KPNA3: variants seen among roughly 807,000 people sequenced by gnomAD.
KPNA3 encodes the protein importin subunit alpha-4.
A neutral mutation model predicts 73.8 loss-of-function variants in KPNA3; 13 were observed. The ratio of observed to expected loss-of-function variants is 0.18; its 90% CI spans 0.11 to 0.28. The LOEUF (loss-of-function observed/expected upper bound fraction) is 0.28. Among genes scored for constraint, KPNA3 ranks in the 10% least tolerant of loss-of-function variants. The pLI, the probability that KPNA3 is intolerant of heterozygous loss-of-function variation, is 1.00. For synonymous variants in KPNA3, 186 were observed against 206.9 expected, an observed-to-expected ratio of 0.90 and a Z score of 0.87; for missense variants, 360 against 618.1, an observed-to-expected ratio of 0.58 and a Z score of 4.43.
At position 49,706,375 on chromosome 13, in the gene KPNA3, A is replaced by G; in HGVS notation, c.1033-3T>C. On this transcript the variant is annotated splice_polypyrimidine_tract_variant and splice_region_variant and intron_variant, in intron 12 of 16. Coordinates refer to ENST00000261667, the MANE Select transcript of KPNA3 (RefSeq NM_002267.4). ...TTGGAAAGGAACCACACTGCTTCCT[A>G]TAATTGAACAAAATATAGGGCACCT... The G allele has an allele frequency of 6.2e-7, 1 of 1,607,222 alleles. No homozygotes were observed. Among genetic ancestry groups the G allele is most frequent in the Non-Finnish European group, 8.5e-7 (1 of 1,174,234 alleles).
At position 49,719,435 on chromosome 13, in the gene KPNA3, C is replaced by T. The variant is rs140310233; in HGVS notation, c.771+340G>A. Among the ~76,000 whole-genome samples, 637 of 152,158 alleles carry T rather than the reference C, an allele frequency of 4.2e-3. 1 individual carries two copies. Among genetic ancestry groups the T allele is most frequent in the African/African-American group, 0.014 (568 of 41,524 alleles). ...ATAAAATGGGGGGAATAATATCTAG[C>T]CTATCTGTTGTAAGAACCAGTGAGA... On this transcript the variant is annotated intron_variant, in intron 10 of 16. Transcript: ENST00000261667.
chr13:49,728,412 A>G (rs541221396), intron 6 of KPNA3, among the ~76,000 whole-genome samples: 2 of 152,338 alleles, frequency 1.3e-5, no homozygotes, highest in South Asian at 4.1e-4. Flanking sequence ...AGCTTACAAA[A>G]TTATGACTGA....
At chr13:49,788,632 C>T (rs1027635047) in intron 1 of KPNA3, among the ~76,000 whole-genome samples, 5 of 150,968 alleles carry the variant, frequency 3.3e-5, no homozygotes, top group Admixed American at 3.3e-4. Context: ...GATGGAAGGA[C>T]GGCTTGAGCC....
chr13:49,783,311 A>C (rs1053797576), intron 1 of KPNA3, among the ~76,000 whole-genome samples: 1 of 152,192 alleles, frequency 6.6e-6, no homozygotes. Context: ...TTAACTGCTG[A>C]TGTTGGCTAT....
At chr13:49,738,332 A>G (rs1177853961) in intron 2 of KPNA3, among the ~76,000 whole-genome samples, 1 of 152,156 alleles carries the variant, frequency 6.6e-6, no homozygotes, top group African/African-American at 2.4e-5. Flanking sequence ...TGTTTTAGCT[A>G]TTCTAGAGAC....
At chr13:49,781,284 C>G (rs997568280) in intron 1 of KPNA3, among the ~76,000 whole-genome samples, 2 of 152,146 alleles carry the variant, frequency 1.3e-5, no homozygotes, top group African/African-American at 4.8e-5. Context: ...ATTCCTTGAG[C>G]AGGAACCCTG....
rs557389485 is a variant in KPNA3 at position 49,728,265 on chromosome 13, T to C, written c.384-2764A>G. Among the ~76,000 whole-genome samples, 4 of 149,706 alleles carry C rather than the reference T, an allele frequency of 2.7e-5. No homozygotes were observed. The East Asian group carries it at 7.8e-4, about 29-fold the overall frequency. ...AAAAAAAAAAAAGGACAAGTCGATGTTGAAGATGAAATCCACAGCGGCAAA... is the reference window on the plus strand; with the variant it reads ...AAAAAAAAAAAAGGACAAGTCGATGCTGAAGATGAAATCCACAGCGGCAAA... On this transcript the variant is annotated intron_variant, in intron 6 of 16. Transcript: ENST00000261667.
intron 2 of KPNA3, among the ~76,000 whole-genome samples, chr13:49,737,120 G>A (rs1037864884): frequency 6.6e-6 from 1 of 152,022 alleles, no homozygotes; most frequent in Admixed American, 6.6e-5. Flanking sequence ...CATCTGTGTT[G>A]TTTCTAAGTT....
intron 1 of KPNA3, among the ~76,000 whole-genome samples, chr13:49,754,969 A>C (rs1954698103): frequency 6.6e-6 from 1 of 152,188 alleles, no homozygotes; most frequent in Non-Finnish European, 1.5e-5. Flanking sequence ...CCAATTTTAT[A>C]TAATCTCTAC....
chr13:49,792,568 T>TTTTACTGCCCCTCA lies in KPNA3; in HGVS notation c.-63_-62insTGAGGGGCAGTAAA. The TTTTACTGCCCCTCA allele has an allele frequency of 2.2e-6, 1 of 456,476 alleles. No homozygotes were observed. Among genetic ancestry groups the TTTTACTGCCCCTCA allele is most frequent in the Non-Finnish European group, 3.6e-6 (1 of 281,438 alleles). 28.3% of individuals were successfully genotyped at this position (456,476 alleles called of 1,614,324 possible). On this transcript the variant is annotated 5_prime_UTR_variant, in exon 1 of 17. Coordinates refer to ENST00000261667, the MANE Select transcript of KPNA3 (RefSeq NM_002267.4). ...CTGCGGCGGCGGCGGCGGCGAATCT[T>TTTTACTGCCCCTCA]GGAGCGGGAGGGGGAGGAGGGGGAG...
intron 1 of KPNA3, among the ~76,000 whole-genome samples, chr13:49,783,042 A>G (rs1261102026): frequency 1.3e-5 from 2 of 152,170 alleles, no homozygotes; most frequent in African/African-American, 4.8e-5. Context: ...TAAGAAGAGC[A>G]AAAACTCCAC....
intron 12 of KPNA3, among the ~76,000 whole-genome samples, chr13:49,707,198 A>G (rs1342988564): frequency 2.0e-5 from 3 of 152,244 alleles, no homozygotes; most frequent in Non-Finnish European, 4.4e-5. Context: ...ATGGGTCTAT[A>G]TAACATAAAT....
rs183192435 is a variant in KPNA3, at chr13:49,747,557, C to T, written c.70-564G>A. On this transcript the variant is annotated intron_variant, in intron 1 of 16. Transcript: ENST00000261667. ...AAAATTAGCTGGGTGCAGTAGCACGCCCCTGTACTCCCAGCTACTCCTGGA... is the reference window on the plus strand; with the variant it reads ...AAAATTAGCTGGGTGCAGTAGCACGTCCCTGTACTCCCAGCTACTCCTGGA... Among the ~76,000 whole-genome samples the T allele has an allele frequency of 1.8e-4, 28 of 152,254 alleles. No homozygotes were observed. The East Asian group carries it at 3.9e-3, about 21-fold the overall frequency.
At chr13:49,720,480 A>G (rs1285430642) in intron 9 of KPNA3, among the ~76,000 whole-genome samples, 4 of 152,140 alleles carry the variant, frequency 2.6e-5, no homozygotes. Context: ...CAGTTGGCCA[A>G]GTGTGGTGGC....
At chr13:49,747,269 C>T (rs906216596) in intron 1 of KPNA3, among the ~76,000 whole-genome samples, 1 of 151,788 alleles carries the variant, frequency 6.6e-6, no homozygotes, top group African/African-American at 2.4e-5. Context: ...TGCTTGAACC[C>T]GGGAGGCGGG....
intron 1 of KPNA3, among the ~76,000 whole-genome samples, chr13:49,773,245 A>G (rs1954869796): frequency 6.6e-6 from 1 of 152,182 alleles, no homozygotes; most frequent in African/African-American, 2.4e-5. Flanking sequence ...GATATGGAGG[A>G]ACTTTTGGGA....
Position 49,701,406 on chromosome 13 carries a change from A to T in KPNA3, c.*394T>A. ...GCACCTCTTTAGTCTTCCAACTTGT[A>T]TATGCATCATACCAAAGTGTCTTGA... On this transcript the variant is annotated 3_prime_UTR_variant, in exon 17 of 17. Transcript: ENST00000261667. The T allele has an allele frequency of 2.2e-6, 1 of 450,176 alleles. No individual in the cohort carries two copies. Among genetic ancestry groups the T allele is most frequent in the Non-Finnish European group, 4.6e-6 (1 of 216,294 alleles). The allele number at this position is 450,176 out of a possible 1,614,324, so 27.9% of individuals were successfully genotyped here.
At chr13:49,725,637 C>A in intron 6 of KPNA3, 136 bp from the exon 7 acceptor site, 1 of 508,454 alleles carries the variant, frequency 2.0e-6, no homozygotes, top group South Asian at 3.5e-5. Flanking sequence ...TGCCTGCTAG[C>A]CAACCCTACT....
At chr13:49,716,514 T>C (rs764200813) in intron 10 of KPNA3, among the ~76,000 whole-genome samples, 3 of 152,098 alleles carry the variant, frequency 2.0e-5, no homozygotes, top group African/African-American at 4.8e-5. Flanking sequence ...TCTCGGTTCA[T>C]TGCAACCTCC....
Sources: allele counts gnomAD v4.1 joint callset (sites outside exome capture counted in the v4.1 genomes callset), GRCh38; gene constraint gnomAD v4.1.1; transcripts MANE v1.5; gene names NCBI Gene and HGNC (gene_info 2026-07-23, HGNC 2026-07-21).